The following HIPK2 variants were observed in gnomAD, a reference collection of about 807,000 sequenced individuals.
HIPK2 encodes the protein homeodomain interacting protein kinase 2.
Under a neutral mutation model 113.7 loss-of-function variants are expected in HIPK2, and 27 were observed. The ratio of observed to expected loss-of-function variants is 0.24; its 90% CI spans 0.17 to 0.33. HIPK2 has a LOEUF of 0.33. Ranked by LOEUF, HIPK2 falls within the 10% of genes least tolerant of loss-of-function variation. HIPK2 has a pLI of 1.00. For missense variants in HIPK2, 1,257 were observed against 1,588.0 expected (o/e 0.79, Z 3.54); for synonymous variants, 631 against 642.2 (o/e 0.98, Z 0.26).
chr7:139,751,210 C>A (rs1459538518), intron 1 of HIPK2, among the ~76,000 whole-genome samples: 7 of 151,826 alleles, frequency 4.6e-5, no homozygotes, highest in Admixed American at 3.9e-4. Context: ...TTAAAAAACA[C>A]TACAATCAGA....
chr7:139,645,578 A>C (rs1370557743), intron 2 of HIPK2, among the ~76,000 whole-genome samples: 1 of 152,146 alleles, frequency 6.6e-6, no homozygotes, highest in African/African-American at 2.4e-5. Flanking sequence ...TTTCCAAATA[A>C]AGCCACTACT....
intron 2 of HIPK2, among the ~76,000 whole-genome samples, chr7:139,702,242 C>T (rs1327102495): frequency 6.6e-6 from 1 of 152,182 alleles, no homozygotes; most frequent in Non-Finnish European, 1.5e-5. Context: ...AAACCCACAT[C>T]TTACACTGGC....
chr7:139,665,227 G>A (rs964442916), intron 2 of HIPK2, among the ~76,000 whole-genome samples: 16 of 151,960 alleles, frequency 1.1e-4, no homozygotes, highest in South Asian at 6.2e-4. Flanking sequence ...TTACAGAGAT[G>A]GAGGTCTTAC....
chr7:139,699,140 G>A (rs898690990), intron 2 of HIPK2, among the ~76,000 whole-genome samples: 16 of 152,078 alleles, frequency 1.1e-4, no homozygotes, highest in African/African-American at 3.9e-4. Flanking sequence ...AGCAAGAACC[G>A]TGAGACAGAG....
chr7:139,712,046 T>A (rs1486121782), intron 2 of HIPK2, among the ~76,000 whole-genome samples: 1 of 152,210 alleles, frequency 6.6e-6, no homozygotes, highest in Non-Finnish European at 1.5e-5. Context: ...GGAGACTCTG[T>A]TCCCAGCAAC....
At chr7:139,598,916 G>A (rs192967570) in intron 11 of HIPK2, among the ~76,000 whole-genome samples, 7 of 152,306 alleles carry the variant, frequency 4.6e-5, no homozygotes, top group South Asian at 2.1e-4. Context: ...AAACAAAAGC[G>A]TTCTGGAAAG....
chr7:139,661,433 C>T (rs1294900270), intron 2 of HIPK2, among the ~76,000 whole-genome samples: 3 of 152,208 alleles, frequency 2.0e-5, no homozygotes, highest in Admixed American at 6.5e-5. Flanking sequence ...GTGTCTTCAA[C>T]ATGGCAACCT....
chr7:139,684,879 G>GT (rs1233533159), intron 2 of HIPK2, among the ~76,000 whole-genome samples: 2 of 152,132 alleles, frequency 1.3e-5, no homozygotes, highest in Admixed American at 1.3e-4. Flanking sequence ...TATGGAGAAG[G>GT]TTTTTTAGTG....
chr7:139,621,315 C>T (rs1031473534), intron 6 of HIPK2, among the ~76,000 whole-genome samples: 4 of 152,174 alleles, frequency 2.6e-5, no homozygotes, highest in Non-Finnish European at 2.9e-5. Flanking sequence ...TGGCTACCTT[C>T]GTGTATACAC....
chr7:139,689,261 G>A (rs1794326937), intron 2 of HIPK2, among the ~76,000 whole-genome samples: 1 of 152,212 alleles, frequency 6.6e-6, no homozygotes, highest in Middle Eastern at 3.4e-3. Flanking sequence ...AGAGAAAAGC[G>A]GTCATATTTT....
At chr7:139,763,111 C>T (rs1796495115) in intron 1 of HIPK2, among the ~76,000 whole-genome samples, 1 of 152,108 alleles carries the variant, frequency 6.6e-6, no homozygotes, top group Non-Finnish European at 1.5e-5. Flanking sequence ...GGAACAGTCA[C>T]AGAACTGAAA....
At chr7:139,688,065 T>C (rs1228282406) in intron 2 of HIPK2, among the ~76,000 whole-genome samples, 1 of 152,124 alleles carries the variant, frequency 6.6e-6, no homozygotes, top group East Asian at 1.9e-4. Context: ...AGGCAGCCCA[T>C]TGGGCCTGCA....
chr7:139,572,615 T>G lies in HIPK2; in HGVS notation c.*312A>C, dbSNP rs1798318416. The G allele has an allele frequency of 3.8e-6, 1 of 266,132 alleles. No homozygotes were observed. The highest frequency in any genetic ancestry group is 7.0e-6 in the Non-Finnish European group (1 of 142,744). 16.5% of individuals were successfully genotyped at this position (266,132 alleles called of 1,614,324 possible). A position where few individuals can be genotyped will look rare whatever the true frequency, so the allele number is the denominator to read the frequency against. On this transcript the variant is annotated 3_prime_UTR_variant, in exon 15 of 15. Transcript: ENST00000406875. ...CTGGGTTTTTTGTTATTGACTTTTTTTTTTTCCTTTTTCTTTTTTAAAATA... is the reference window on the plus strand; with the variant it reads ...CTGGGTTTTTTGTTATTGACTTTTTGTTTTTCCTTTTTCTTTTTTAAAATA...
At chr7:139,763,897 T>C (rs886606384) in intron 1 of HIPK2, among the ~76,000 whole-genome samples, 1 of 152,232 alleles carries the variant, frequency 6.6e-6, no homozygotes, top group Non-Finnish European at 1.5e-5. Flanking sequence ...TATAAACAAG[T>C]ACCCTTTCAA....
At chr7:139,672,298 T>G (rs1802330339) in intron 2 of HIPK2, among the ~76,000 whole-genome samples, 1 of 152,360 alleles carries the variant, frequency 6.6e-6, no homozygotes, top group East Asian at 1.9e-4. Flanking sequence ...TTTATGTAAG[T>G]TGGCATGAAA....
At chr7:139,692,908 C>G (rs1225823257) in intron 2 of HIPK2, among the ~76,000 whole-genome samples, 1 of 152,144 alleles carries the variant, frequency 6.6e-6, no homozygotes, top group African/African-American at 2.4e-5. Flanking sequence ...GAAGCCAGGT[C>G]GTTTGGTTCC....
intron 1 of HIPK2, among the ~76,000 whole-genome samples, chr7:139,752,310 C>T (rs577045668): frequency 6.6e-6 from 1 of 152,356 alleles, no homozygotes; most frequent in South Asian, 2.1e-4. Flanking sequence ...CACCTGTCAT[C>T]GCCCACCCTG....
At position 139,714,795 on chromosome 7, in the gene HIPK2, C is replaced by A. The variant is rs1795171903; in HGVS notation, c.1103+1137G>T. ...TGTTCGGCACCACCCCAAACACACC[C>A]CCAGGCTGGTTCCACAGAGCAGGGT... On this transcript the variant is annotated intron_variant, in intron 2 of 14. Coordinates refer to ENST00000406875, the MANE Select transcript of HIPK2 (RefSeq NM_022740.5). This position sits in a 1 kb window ranked among gnomAD's most constrained non-coding sequence, Gnocchi z 4.2. Among the ~76,000 whole-genome samples, 1 of 152,190 alleles carries A rather than the reference C, an allele frequency of 6.6e-6. No homozygotes were observed. The highest frequency in any genetic ancestry group is 1.5e-5 in the Non-Finnish European group (1 of 68,022).
chr7:139,737,572 G>C (rs1419493509), intron 1 of HIPK2, among the ~76,000 whole-genome samples: 1 of 152,132 alleles, frequency 6.6e-6, no homozygotes, highest in African/African-American at 2.4e-5. Flanking sequence ...CCTTTCTCCT[G>C]GACTGCAGGA....
Sources: allele counts gnomAD v4.1 joint callset (sites outside exome capture counted in the v4.1 genomes callset), GRCh38; gene constraint gnomAD v4.1.1; non-coding constraint Gnocchi (gnomAD v3.1); transcripts MANE v1.5; gene names NCBI Gene and HGNC (gene_info 2026-07-23, HGNC 2026-07-21).